Variants in SHANK2 observed in about 807,000 individuals in gnomAD.
SHANK2 encodes the protein SH3 and multiple ankyrin repeat domains protein 2.
A neutral mutation model predicts 133.7 loss-of-function variants in SHANK2; 43 were observed. That is an observed-to-expected ratio of 0.32 (90% CI 0.25 to 0.41). SHANK2 has a LOEUF of 0.41. Ranked by LOEUF, SHANK2 falls within the 10% of genes least tolerant of loss-of-function variation. The pLI is 1.00. For missense variants in SHANK2, 1,994 were observed against 2,235.8 expected (o/e 0.89, Z 2.18); for synonymous variants, 1,017 against 952.8 (o/e 1.07, Z -1.24).
intron 17 of SHANK2, among the ~76,000 whole-genome samples, chr11:70,581,429 G>A (rs2060183902): frequency 6.6e-6 from 1 of 152,038 alleles, no homozygotes; most frequent in African/African-American, 2.4e-5. Flanking sequence ...AGTGGCTCAT[G>A]CCTGTAATCC....
chr11:71,186,350 G>C (rs1449543461), intron 2 of SHANK2, among the ~76,000 whole-genome samples: 1 of 152,238 alleles, frequency 6.6e-6, no homozygotes, highest in African/African-American at 2.4e-5. Flanking sequence ...ACATTGAACA[G>C]TTTGGACCCG....
Position 70,857,028 on chromosome 11 carries a change from C to T in SHANK2, c.1175-36346G>A, listed in dbSNP as rs894134559. ...TTACATCTCTTCCTGCTAACTTATG[C>T]TCTCTGCAACAGCCTGCCTCTGCGT... On this transcript the variant is annotated intron_variant, in intron 11 of 25. Transcript: ENST00000601538. Among the ~76,000 whole-genome samples, 18 of 152,218 alleles carry T rather than the reference C, an allele frequency of 1.2e-4. 1 individual carries two copies. Among genetic ancestry groups the T allele is most frequent in the Non-Finnish European group, 2.4e-4 (16 of 68,050 alleles).
At chr11:70,762,374 G>A (rs1162512993) in intron 14 of SHANK2, among the ~76,000 whole-genome samples, 1 of 152,150 alleles carries the variant, frequency 6.6e-6, no homozygotes, top group African/African-American at 2.4e-5. Context: ...GTGGCATCCA[G>A]GGCCCCCCAG....
chr11:70,660,166 G>A (rs1359669530), intron 16 of SHANK2, among the ~76,000 whole-genome samples: 3 of 152,144 alleles, frequency 2.0e-5, no homozygotes, highest in African/African-American at 7.2e-5. Context: ...CCTTGGGGCC[G>A]CCATCATATT....
chr11:70,482,984 GTC>G (rs1425615368), intron 25 of SHANK2, among the ~76,000 whole-genome samples: 1 of 152,198 alleles, frequency 6.6e-6, no homozygotes, highest in Non-Finnish European at 1.5e-5. Context: ...TCAGGGAGAG[GTC>G]TCCATGGACG....
chr11:70,630,382 G>A (rs1220533798), intron 17 of SHANK2, among the ~76,000 whole-genome samples: 1 of 152,212 alleles, frequency 6.6e-6, no homozygotes, highest in Non-Finnish European at 1.5e-5. Flanking sequence ...GGCAGAGGCG[G>A]GGCCAGGAAG....
At chr11:70,663,077 GA>G (rs1410143543) in intron 15 of SHANK2, among the ~76,000 whole-genome samples, 2 of 152,152 alleles carry the variant, frequency 1.3e-5, no homozygotes, top group Non-Finnish European at 2.9e-5. Flanking sequence ...GGGGTGAGGA[GA>G]AAGGACACCA....
chr11:70,591,355 CAAAAAGAAAAAG>C (rs145230441), intron 17 of SHANK2, among the ~76,000 whole-genome samples: 15 of 141,342 alleles, frequency 1.1e-4, no homozygotes, highest in African/African-American at 3.7e-4. Context: ...CTGTCTCAAA[CAAAAAGAAAAAG>C]AAAAAGAAAA....
At chr11:70,577,584 C>G (rs1213760592) in intron 17 of SHANK2, among the ~76,000 whole-genome samples, 1 of 152,224 alleles carries the variant, frequency 6.6e-6, no homozygotes, top group Non-Finnish European at 1.5e-5. Flanking sequence ...GGGGAATCAT[C>G]CTTTCCTGAT....
chr11:70,570,238 C>T (rs1254947628), intron 17 of SHANK2, among the ~76,000 whole-genome samples: 1 of 152,228 alleles, frequency 6.6e-6, no homozygotes, highest in African/African-American at 2.4e-5. Flanking sequence ...CTTTGAAGCC[C>T]TTCCCTCTTT....
At chr11:70,704,820 T>C (rs1945622613) in intron 14 of SHANK2, among the ~76,000 whole-genome samples, 1 of 152,202 alleles carries the variant, frequency 6.6e-6, no homozygotes, top group Admixed American at 6.5e-5. Context: ...ACTAATCAAA[T>C]ACTTCTGGCT....
At chr11:70,666,659 C>A (rs1944683390) in intron 15 of SHANK2, among the ~76,000 whole-genome samples, 1 of 152,182 alleles carries the variant, frequency 6.6e-6, no homozygotes, top group South Asian at 2.1e-4. Flanking sequence ...AGATGCACTG[C>A]AATCCAGTTT....
At chr11:71,208,262 G>A (rs181371590) in intron 2 of SHANK2, among the ~76,000 whole-genome samples, 23 of 152,132 alleles carry the variant, frequency 1.5e-4, no homozygotes, top group African/African-American at 4.3e-4. Context: ...GCCAGGGCAG[G>A]GAGAAGCTGT....
At chr11:70,735,495 G>T (rs1249423930) in intron 14 of SHANK2, among the ~76,000 whole-genome samples, 1 of 152,118 alleles carries the variant, frequency 6.6e-6, no homozygotes, top group African/African-American at 2.4e-5. Context: ...CACGAGGTCA[G>T]GAGTTCGAGG....
intron 14 of SHANK2, among the ~76,000 whole-genome samples, chr11:70,725,725 G>T (rs1372658098): frequency 1.0e-5 from 1 of 97,186 alleles, no homozygotes; most frequent in Non-Finnish European, 2.0e-5. Flanking sequence ...CTTCTTGTCA[G>T]CACATTGTCG....
intron 10 of SHANK2, among the ~76,000 whole-genome samples, chr11:70,902,596 G>A (rs1360562807): frequency 6.6e-6 from 1 of 152,244 alleles, no homozygotes; most frequent in Non-Finnish European, 1.5e-5. Flanking sequence ...TGCATTTGAA[G>A]TGTGATCTAC....
At chr11:70,590,298 CT>C (rs2136267032) in intron 17 of SHANK2, among the ~76,000 whole-genome samples, 1 of 152,328 alleles carries the variant, frequency 6.6e-6, no homozygotes, top group African/African-American at 2.4e-5. Context: ...GAGATGGAAT[CT>C]ACTCCTGGTA....
intron 22 of SHANK2, 43 bp from the exon 23 acceptor site, chr11:70,490,430 C>T: frequency 6.5e-7 from 1 of 1,529,658 alleles, no homozygotes; most frequent in Non-Finnish European, 9.1e-7. Flanking sequence ...CCCTGGCCAG[C>T]CCCCACCCAC....
chr11:70,939,852 C>T (rs1950620675), intron 10 of SHANK2, among the ~76,000 whole-genome samples: 2 of 152,152 alleles, frequency 1.3e-5, no homozygotes, highest in South Asian at 2.1e-4. Context: ...ATGAAGTTAA[C>T]GATCTTCAGA....
Sources: allele counts gnomAD v4.1 joint callset (sites outside exome capture counted in the v4.1 genomes callset), GRCh38; gene constraint gnomAD v4.1.1; transcripts MANE v1.5; gene names NCBI Gene and HGNC (gene_info 2026-07-23, HGNC 2026-07-21).